ASCC3: variants seen among roughly 807,000 people sequenced by gnomAD.
The protein encoded by ASCC3 is activating signal cointegrator 1 complex subunit 3.
In ASCC3, 158 loss-of-function variants were observed where a neutral mutation model predicts 256.3. That is an observed-to-expected ratio of 0.62 (90% confidence interval 0.54 to 0.70). The LOEUF is 0.70. Among genes scored for constraint, ASCC3 ranks in the 30% least tolerant of loss-of-function variants. ASCC3 has a pLI of 0.00. For synonymous variants in ASCC3, 948 were observed against 883.4 expected (o/e 1.07, Z -1.30); for missense variants, 2,259 against 2,626.0 (o/e 0.86, Z 3.05).
intron 19 of ASCC3, 38 bp downstream of exon 19, chr6:100,651,522 T>A (rs1319996792): frequency 2.0e-5 from 24 of 1,184,592 alleles, no homozygotes; most frequent in Middle Eastern, 2.0e-4. Flanking sequence ...AATGCATACA[T>A]GTTGTATGCA....
intron 10 of ASCC3, among the ~76,000 whole-genome samples, chr6:100,749,792 A>G (rs1780853576): frequency 6.6e-6 from 1 of 151,878 alleles, no homozygotes; most frequent in Non-Finnish European, 1.5e-5. Flanking sequence ...ATTTATGAGT[A>G]TAATGGCACA....
At chr6:100,852,692 AG>A (rs149123227) in intron 3 of ASCC3, among the ~76,000 whole-genome samples, 120 of 152,282 alleles carry the variant, frequency 7.9e-4, no homozygotes, top group African/African-American at 2.7e-3. Context: ...ACTGACGAAA[AG>A]TTTATATAAG....
At chr6:100,578,663 A>G (rs1771015425) in intron 36 of ASCC3, among the ~76,000 whole-genome samples, 1 of 151,992 alleles carries the variant, frequency 6.6e-6, no homozygotes. Flanking sequence ...TATCCAGTCT[A>G]CTGTTGACGG....
intron 10 of ASCC3, among the ~76,000 whole-genome samples, chr6:100,748,196 T>C (rs139118695): frequency 2.0e-5 from 3 of 151,910 alleles, no homozygotes; most frequent in Admixed American, 2.0e-4. Context: ...GGGAAGAAAA[T>C]AATCTACTTT....
At chr6:100,625,072 G>A in intron 30 of ASCC3, 120 bp downstream of exon 30, 2 of 1,120,400 alleles carry the variant, frequency 1.8e-6, no homozygotes, top group Non-Finnish European at 2.6e-6. Flanking sequence ...TAATAGTGTG[G>A]TAAGGTGGCG....
At chr6:100,517,228 T>C (rs1774076971) in intron 38 of ASCC3, among the ~76,000 whole-genome samples, 1 of 152,120 alleles carries the variant, frequency 6.6e-6, no homozygotes, top group Non-Finnish European at 1.5e-5. Flanking sequence ...AGGTTCTTGT[T>C]GGCATCTGTG....
chr6:100,636,747 C>T (rs1447315337), intron 25 of ASCC3, among the ~76,000 whole-genome samples: 1 of 152,086 alleles, frequency 6.6e-6, no homozygotes, highest in African/African-American at 2.4e-5. Context: ...AGTTTTATTC[C>T]CGATACGGAG....
chr6:100,582,563 C>G (rs547550727), intron 36 of ASCC3, among the ~76,000 whole-genome samples: 2 of 152,074 alleles, frequency 1.3e-5, no homozygotes, highest in Admixed American at 1.3e-4. Flanking sequence ...CTTTTCCTAA[C>G]TGAATACCCT....
chr6:100,619,853 C>CA (rs1473329595), intron 30 of ASCC3, among the ~76,000 whole-genome samples: 1 of 151,954 alleles, frequency 6.6e-6, no homozygotes, highest in African/African-American at 2.4e-5. Context: ...GATGGGCTTG[C>CA]AAAAGAACTA....
intron 10 of ASCC3, among the ~76,000 whole-genome samples, chr6:100,756,835 C>T (rs1003987793): frequency 2.6e-5 from 4 of 151,814 alleles, no homozygotes; most frequent in Admixed American, 1.3e-4. Context: ...CCAACAACAG[C>T]CATTATGAAA....
intron 8 of ASCC3, among the ~76,000 whole-genome samples, chr6:100,797,055 G>A (rs1418667760): frequency 2.0e-5 from 3 of 151,984 alleles, no homozygotes; most frequent in African/African-American, 4.8e-5. Context: ...AAATAAAAAT[G>A]GAACAAAGTA....
At chr6:100,564,233 TCTAA>T (rs1770114325) in intron 36 of ASCC3, among the ~76,000 whole-genome samples, 1 of 152,012 alleles carries the variant, frequency 6.6e-6, no homozygotes, top group Admixed American at 6.6e-5. Context: ...GGTCTTCTCT[TCTAA>T]CTATTTGAAA....
intron 10 of ASCC3, among the ~76,000 whole-genome samples, chr6:100,732,921 C>T (rs554761302): frequency 2.0e-5 from 3 of 152,030 alleles, no homozygotes; most frequent in African/African-American, 4.8e-5. Flanking sequence ...ATTTCCCTTC[C>T]ATTTCCTGCA....
At chr6:100,685,212 T>G (rs1582694013) in intron 13 of ASCC3, among the ~76,000 whole-genome samples, 4 of 152,146 alleles carry the variant, frequency 2.6e-5, no homozygotes, top group African/African-American at 9.7e-5. Flanking sequence ...AGAAAAAATG[T>G]TGCTGAGAAA....
chr6:100,556,865 A>T (rs1769602560), intron 36 of ASCC3, among the ~76,000 whole-genome samples: 1 of 152,122 alleles, frequency 6.6e-6, no homozygotes, highest in Non-Finnish European at 1.5e-5. Context: ...TGAGAAAAAA[A>T]ATAATAAAGA....
intron 10 of ASCC3, among the ~76,000 whole-genome samples, chr6:100,756,400 C>T (rs75224547): frequency 0.011 from 1,714 of 151,990 alleles, 16 homozygotes; most frequent in Non-Finnish European, 0.017. Flanking sequence ...CTTGCAAGTG[C>T]GAGACTTATG....
At position 100,864,198 on chromosome 6, in the gene ASCC3, A is replaced by C. The variant is rs1176216207; in HGVS notation, c.107T>G (p.Leu36Arg). ...GCCCAAATCTAAAACTTGTTCATGAAGTTTAGATCGCTTTATCTGAAACAG... is the reference window on the plus strand; with the variant it reads ...GCCCAAATCTAAAACTTGTTCATGACGTTTAGATCGCTTTATCTGAAACAG... Reference protein sequence around the residue: ...VADLKIKRSKLHEQVLDLGLT... With the variant: ...VADLKIKRSKRHEQVLDLGLT... The change falls in exon 3 of 42, where the codon CTT becomes CGT. Residue 36 changes from leucine to arginine, a missense_variant. By Grantham distance (102) the Leu-to-Arg change is moderately radical (BLOSUM62 -2). Around this residue, in one of 2 missense-constraint regions of ASCC3, gnomAD observed 420 missense variants for 419.3 expected, o/e 1.00. Coordinates refer to ENST00000369162, the MANE Select transcript of ASCC3 (RefSeq NM_006828.4). 1 of 1,604,482 alleles carries C rather than the reference A, an allele frequency of 6.2e-7. No individual in the cohort carries two copies. Among genetic ancestry groups the C allele is most frequent in the African/African-American group, 1.3e-5 (1 of 74,726 alleles).
chr6:100,667,926 G>A (rs974584157), intron 14 of ASCC3, among the ~76,000 whole-genome samples: 5 of 151,796 alleles, frequency 3.3e-5, no homozygotes, highest in African/African-American at 1.2e-4. Context: ...TAGAACCAAT[G>A]ATTTAAAGAT....
At chr6:100,630,161 T>C (rs1230497806) in intron 26 of ASCC3, among the ~76,000 whole-genome samples, 1 of 152,096 alleles carries the variant, frequency 6.6e-6, no homozygotes, top group East Asian at 1.9e-4. Flanking sequence ...AGTGCCAAGG[T>C]TACAGGCATG....
Sources: allele counts gnomAD v4.1 joint callset (sites outside exome capture counted in the v4.1 genomes callset), GRCh38; gene constraint gnomAD v4.1.1; regional missense constraint gnomAD v4.1.1; transcripts MANE v1.5; gene names NCBI Gene and HGNC (gene_info 2026-07-23, HGNC 2026-07-21).